SPIDR: variants seen among roughly 807,000 people sequenced by gnomAD.
SPIDR encodes the protein DNA repair-scaffolding protein.
SPIDR carries 93 observed loss-of-function variants against 104.6 expected under a neutral mutation model. That is an observed-to-expected ratio of 0.89 (90% CI 0.75 to 1.06). The LOEUF is 1.06. SPIDR is among the 50% of genes least tolerant of loss of function. The pLI, the probability that SPIDR is intolerant of heterozygous loss-of-function variation, is 0.00. For synonymous variants in SPIDR, 431 were observed against 416.9 expected (o/e 1.03, Z -0.41); for missense variants, 1,154 against 1,111.2 (o/e 1.04, Z -0.55).
chr8:47,440,592 G>A lies in SPIDR; in HGVS notation c.1097+50G>A, dbSNP rs782513118. 1.9e-5 allele frequency: 29 copies of A among 1,541,018 alleles called. No individual in the cohort carries two copies. The East Asian group carries it at 3.9e-4, about 21-fold the overall frequency. On this transcript the variant is annotated intron_variant, in intron 8 of 19. Coordinates refer to ENST00000297423, the MANE Select transcript of SPIDR (RefSeq NM_001080394.4). ...CAGTCACCAACTGTGAGTCAGCCTCGTAAGAAAAGACATTTTTATCAGTTA... is the reference window on the plus strand; with the variant it reads ...CAGTCACCAACTGTGAGTCAGCCTCATAAGAAAAGACATTTTTATCAGTTA...
intron 3 of SPIDR, 36 bp downstream of exon 3, chr8:47,284,130 T>A: frequency 1.3e-6 from 2 of 1,503,328 alleles, no homozygotes; most frequent in Non-Finnish European, 1.8e-6. Flanking sequence ...AGAGAAGATA[T>A]AAGACTAATA....
intron 5 of SPIDR, among the ~76,000 whole-genome samples, chr8:47,294,913 C>T (rs972852680): frequency 1.3e-5 from 2 of 152,064 alleles, no homozygotes; most frequent in African/African-American, 4.8e-5. Context: ...CTCCCCTTTT[C>T]GTTTCCTCCT....
intron 11 of SPIDR, among the ~76,000 whole-genome samples, chr8:47,685,966 C>T (rs762794340): frequency 6.6e-6 from 1 of 151,924 alleles, no homozygotes; most frequent in South Asian, 2.1e-4. Context: ...AGACCAGCCT[C>T]GGCAACATCT....
At position 47,659,954 on chromosome 8, in the gene SPIDR, A is replaced by G. The variant is rs571534978; in HGVS notation, c.1545-13847A>G. Among the ~76,000 whole-genome samples, 74 of 152,184 alleles carry G rather than the reference A, an allele frequency of 4.9e-4. 1 individual carries two copies. The highest frequency in any genetic ancestry group is 1.9e-3 in the South Asian group (9 of 4,824). ...ACTCACGTAAACATCCCACATAGCC[A>G]CTTAATCTGCCCTCTCAGCACATGC... On this transcript the variant is annotated intron_variant, in intron 10 of 19. Transcript: ENST00000297423.
At chr8:47,295,289 CCTT>C (rs2040640462) in intron 5 of SPIDR, among the ~76,000 whole-genome samples, 1 of 152,050 alleles carries the variant, frequency 6.6e-6, no homozygotes, top group African/African-American at 2.4e-5. Context: ...TATTTGTCCT[CCTT>C]ATGAGTTGTA....
chr8:47,670,089 G>T (rs1000404138), intron 10 of SPIDR, among the ~76,000 whole-genome samples: 1 of 152,146 alleles, frequency 6.6e-6, no homozygotes, highest in African/African-American at 2.4e-5. Context: ...GTAATCACAT[G>T]TGGAGGGGTA....
chr8:47,278,237 C>A (rs2036983949), intron 1 of SPIDR, among the ~76,000 whole-genome samples: 1 of 151,940 alleles, frequency 6.6e-6, no homozygotes, highest in Non-Finnish European at 1.5e-5. Flanking sequence ...AGTGATGCAG[C>A]CTTGACCTTC....
At chr8:47,454,122 A>G (rs1554708203) in intron 8 of SPIDR, among the ~76,000 whole-genome samples, 1 of 152,206 alleles carries the variant, frequency 6.6e-6, no homozygotes, top group African/African-American at 2.4e-5. Context: ...CCATCCCATT[A>G]CTGGGTATAT....
chr8:47,427,590 A>G (rs2066620690), intron 7 of SPIDR, among the ~76,000 whole-genome samples: 1 of 152,208 alleles, frequency 6.6e-6, no homozygotes, highest in Non-Finnish European at 1.5e-5. Context: ...TGTAATCTCC[A>G]ATACTTCTGC....
chr8:47,327,509 TC>T (rs1554601139), intron 5 of SPIDR, among the ~76,000 whole-genome samples: 1 of 151,620 alleles, frequency 6.6e-6, no homozygotes, highest in African/African-American at 2.4e-5. Context: ...CAGGTAATTC[TC>T]CCACCTCAGC....
Position 47,335,366 on chromosome 8 carries a change from T to C in SPIDR, c.525+41336T>C, listed in dbSNP as rs371458263. On this transcript the variant is annotated intron_variant, in intron 5 of 19. Transcript: ENST00000297423. ...ATATTTTTCCTTCAGTTTTGAAGTA[T>C]GATTTTACTCACTACAGAATTCTAG... 8.5e-5 allele frequency among the ~76,000 whole-genome samples: 13 copies of C among 152,338 alleles called. No individual in the cohort carries two copies. In the South Asian group the frequency reaches 2.5e-3, roughly 29 times the overall value.
chr8:47,305,783 C>A (rs969345777), intron 5 of SPIDR, among the ~76,000 whole-genome samples: 1 of 152,132 alleles, frequency 6.6e-6, no homozygotes, highest in African/African-American at 2.4e-5. Flanking sequence ...CCATTGTTTT[C>A]ATCTTTTTTC....
At chr8:47,643,128 C>T (rs1470524984) in intron 10 of SPIDR, among the ~76,000 whole-genome samples, 1 of 152,074 alleles carries the variant, frequency 6.6e-6, no homozygotes, top group East Asian at 1.9e-4. Context: ...ACCTAGATAA[C>T]TGTTGAGGTT....
intron 8 of SPIDR, among the ~76,000 whole-genome samples, chr8:47,484,303 A>G (rs1354983838): frequency 1.3e-5 from 2 of 152,376 alleles, no homozygotes; most frequent in South Asian, 4.1e-4. Context: ...GGCTTTATAC[A>G]TATCAACCCT....
At chr8:47,496,599 A>G (rs973160966) in intron 8 of SPIDR, among the ~76,000 whole-genome samples, 2 of 151,606 alleles carry the variant, frequency 1.3e-5, no homozygotes, top group Admixed American at 6.6e-5. Flanking sequence ...GTTTGCTCAC[A>G]TTTTGTGAGA....
chr8:47,485,723 T>C (rs567495578), intron 8 of SPIDR, among the ~76,000 whole-genome samples: 1 of 152,224 alleles, frequency 6.6e-6, no homozygotes, highest in Non-Finnish European at 1.5e-5. Flanking sequence ...CAGCCTCCGC[T>C]GCTGATACCC....
chr8:47,474,789 C>T (rs1201974663), intron 8 of SPIDR, among the ~76,000 whole-genome samples: 1 of 152,190 alleles, frequency 6.6e-6, no homozygotes. Context: ...ATTACCTGTT[C>T]TCTTTTGTAG....
chr8:47,523,460 A>G, intron 8 of SPIDR, among the ~76,000 whole-genome samples: 1 of 152,160 alleles, frequency 6.6e-6, no homozygotes. Flanking sequence ...CCATGTTTTG[A>G]GGGAAAAGGC....
chr8:47,673,799 A>C lies in SPIDR; in HGVS notation c.1545-2A>C. On this transcript the variant is annotated splice_acceptor_variant, in intron 10 of 19. Coordinates refer to ENST00000297423, the MANE Select transcript of SPIDR (RefSeq NM_001080394.4). LOFTEE classifies it high-confidence loss of function. ...AAGACAAATGTGAATGGTTTTTTAC[A>C]GAGCCTGCCTTCTGGTACAAGATGC... The C allele has an allele frequency of 6.2e-7, 1 of 1,614,168 alleles. No homozygotes were observed. Among genetic ancestry groups the C allele is most frequent in the South Asian group, 1.1e-5 (1 of 91,080 alleles).
Sources: gnomAD v4.1 joint callset for allele counts (sites outside exome capture counted in the v4.1 genomes callset) on GRCh38, gnomAD v4.1.1 for gene constraint, MANE v1.5 for transcripts, NCBI Gene and HGNC (gene_info 2026-07-23, HGNC 2026-07-21) for gene names.